Variants in ATP2B2 observed in about 807,000 individuals in gnomAD.
ATP2B2 encodes plasma membrane calcium-transporting ATPase 2.
ATP2B2 carries 15 observed loss-of-function variants against 120.0 expected under a neutral mutation model. The observed-to-expected ratio is 0.12, with a 90% CI of 0.08 to 0.19. The LOEUF (loss-of-function observed/expected upper bound fraction) is 0.19, where lower values mean the gene tolerates loss of function less well. Ranked by LOEUF, ATP2B2 falls within the 10% of genes least tolerant of loss-of-function variation. The pLI is 1.00. For missense variants in ATP2B2, 1,045 were observed against 1,719.8 expected (o/e 0.61, Z 6.94); for synonymous variants, 694 against 700.3 (o/e 0.99, Z 0.14).
intron 1 of ATP2B2, among the ~76,000 whole-genome samples, chr3:10,632,131 TG>T (rs2069881737): frequency 6.6e-6 from 1 of 152,218 alleles, no homozygotes; most frequent in Admixed American, 6.5e-5. Context: ...AGCCTGCAGA[TG>T]GTTTTTTGTG....
At chr3:10,597,378 TACACACAGGCACAGAGGCAC>T (rs1419209743) in intron 2 of ATP2B2, among the ~76,000 whole-genome samples, 7 of 144,828 alleles carry the variant, frequency 4.8e-5, no homozygotes, top group African/African-American at 1.8e-4. Flanking sequence ...CAGAGGCACA[TACACACAGGCACAGAGGCAC>T]ACACACAGGC....
chr3:10,434,869 T>C (rs544140277), intron 2 of ATP2B2, among the ~76,000 whole-genome samples: 5 of 152,364 alleles, frequency 3.3e-5, no homozygotes, highest in East Asian at 1.9e-4. Flanking sequence ...AGTTGCCCCA[T>C]TGGCAGATCA....
At chr3:10,627,666 G>A (rs1005424979) in intron 1 of ATP2B2, among the ~76,000 whole-genome samples, 4 of 152,172 alleles carry the variant, frequency 2.6e-5, no homozygotes, top group Admixed American at 6.5e-5. Flanking sequence ...TCGGTGAACC[G>A]CAAGGGAAGA....
intron 1 of ATP2B2, among the ~76,000 whole-genome samples, chr3:10,479,983 T>C (rs1277771378): frequency 6.6e-6 from 1 of 152,128 alleles, no homozygotes; most frequent in Non-Finnish European, 1.5e-5. Flanking sequence ...TAGTCCCAGC[T>C]ACTCGGGAGG....
intron 1 of ATP2B2, among the ~76,000 whole-genome samples, chr3:10,673,806 C>CAAAAA (rs549651187): frequency 0.018 from 1,315 of 73,504 alleles, 68 homozygotes; most frequent in African/African-American, 0.07. Context: ...GACCCTGTTT[C>CAAAAA]AAAAAAAAAA....
intron 1 of ATP2B2, among the ~76,000 whole-genome samples, chr3:10,627,960 G>A (rs2069752184): frequency 6.6e-6 from 1 of 152,178 alleles, no homozygotes; most frequent in Admixed American, 6.5e-5. Context: ...TCATCAGGGA[G>A]GCGACTCAAG....
At chr3:10,676,062 T>C (rs1348542140) in intron 1 of ATP2B2, among the ~76,000 whole-genome samples, 1 of 152,218 alleles carries the variant, frequency 6.6e-6, no homozygotes, top group African/African-American at 2.4e-5. Flanking sequence ...ACTGCTTCCA[T>C]AAAGGCAGAG....
At chr3:10,707,941 T>TGCCGCC (rs1329151337) in exon 1 of ATP2B2, 2 of 150,258 alleles carry the variant, frequency 1.3e-5, no homozygotes, top group Non-Finnish European at 3.0e-5. Context: ...AGCGAGATGC[T>TGCCGCC]GCCGCCGCCG....
In ATP2B2 at chr3:10,375,484, G is replaced by C; in HGVS notation, c.1362C>G (p.Ala454=). 7 of 1,613,482 alleles carry C rather than the reference G, an allele frequency of 4.3e-6. No homozygotes were observed. Among genetic ancestry groups the C allele is most frequent in the Non-Finnish European group, 4.2e-6 (5 of 1,180,040 alleles). The change falls in exon 11 of 23, where the codon GCC becomes GCG. Residue 454 remains alanine (A), a synonymous_variant. Transcript: ENST00000360273. This position sits in a 1 kb window ranked among gnomAD's most constrained non-coding sequence, Gnocchi z 4.2. ...FIIGVTVLVV[A]VPEGLPLAVT... ...CGGCCAGAGGGAGCCCCTCGGGCAC[G>C]GCGACCACCAGCACCGTCACGCCAA...
intron 1 of ATP2B2, among the ~76,000 whole-genome samples, chr3:10,656,487 G>A (rs543861396): frequency 6.6e-6 from 1 of 152,304 alleles, no homozygotes; most frequent in East Asian, 1.9e-4. Flanking sequence ...TCCAAATGCT[G>A]TACCTAGACA....
At chr3:10,570,228 G>C (rs932889530) in intron 2 of ATP2B2, 1 of 152,230 alleles carries the variant, frequency 6.6e-6, no homozygotes, top group Non-Finnish European at 1.5e-5. Flanking sequence ...GGCCCGTTCA[G>C]GTATCTTCCA....
At chr3:10,392,388 C>A in intron 5 of ATP2B2, among the ~76,000 whole-genome samples, 1 of 152,170 alleles carries the variant, frequency 6.6e-6, no homozygotes, top group African/African-American at 2.4e-5. Context: ...GGCCCTCCTG[C>A]CAGGGGAAGA....
At chr3:10,694,518 C>T (rs533711425) in intron 1 of ATP2B2, among the ~76,000 whole-genome samples, 14 of 152,292 alleles carry the variant, frequency 9.2e-5, no homozygotes, top group South Asian at 2.1e-4. Flanking sequence ...TACTGTTCCA[C>T]GGGGTGGATG....
At chr3:10,572,633 C>G (rs2068153017) in intron 2 of ATP2B2, among the ~76,000 whole-genome samples, 1 of 152,166 alleles carries the variant, frequency 6.6e-6, no homozygotes. Flanking sequence ...CATACTCCAA[C>G]TACACTACAT....
At chr3:10,576,720 T>C (rs764721248) in intron 2 of ATP2B2, among the ~76,000 whole-genome samples, 1 of 151,802 alleles carries the variant, frequency 6.6e-6, no homozygotes, top group Non-Finnish European at 1.5e-5. Context: ...TTTGAAGAGC[T>C]GGAGGGAATG....
At chr3:10,450,467 C>T (rs372224299) in intron 1 of ATP2B2, among the ~76,000 whole-genome samples, 93 of 152,284 alleles carry the variant, frequency 6.1e-4, no homozygotes, top group African/African-American at 2.2e-3. Context: ...TCCACCAATA[C>T]ACTCTTCTCC....
At chr3:10,548,661 T>C (rs2067602619) in intron 2 of ATP2B2, among the ~76,000 whole-genome samples, 1 of 152,226 alleles carries the variant, frequency 6.6e-6, no homozygotes. Context: ...CCTTGTTCCC[T>C]TTCCTGTCTC....
At chr3:10,662,793 G>A (rs533264045) in intron 1 of ATP2B2, among the ~76,000 whole-genome samples, 59 of 152,080 alleles carry the variant, frequency 3.9e-4, no homozygotes, top group Non-Finnish European at 5.6e-4. Context: ...ATATGCACAC[G>A]TATGTTTATT....
intron 2 of ATP2B2, among the ~76,000 whole-genome samples, chr3:10,563,932 G>A (rs2067955567): frequency 6.6e-6 from 1 of 152,222 alleles, no homozygotes; most frequent in Admixed American, 6.5e-5. Context: ...TTAGAACCAA[G>A]TCTGTTTATG....
Sources: gnomAD v4.1 joint callset for allele counts (sites outside exome capture counted in the v4.1 genomes callset) on GRCh38, gnomAD v4.1.1 for gene constraint, Gnocchi (gnomAD v3.1) non-coding constraint, MANE v1.5 for transcripts, NCBI Gene and HGNC (gene_info 2026-07-23, HGNC 2026-07-21) for gene names.